The following MYLK variants were observed in gnomAD, a reference collection of about 807,000 sequenced individuals.
MYLK encodes myosin light chain kinase, smooth muscle.
A neutral mutation model predicts 203.4 loss-of-function variants in MYLK; 106 were observed. The observed-to-expected ratio is 0.52, with a 90% CI of 0.45 to 0.61. The LOEUF (loss-of-function observed/expected upper bound fraction) is 0.61. MYLK is among the 20% of genes least tolerant of loss of function. The probability of loss-of-function intolerance (pLI) is 0.00; values close to 1 mark genes in which losing one functional copy is unlikely to be tolerated. For missense variants in MYLK, 2,072 were observed against 2,442.3 expected (o/e 0.85, Z 3.20); for synonymous variants, 867 against 959.5 (o/e 0.90, Z 1.78).
At chr3:123,809,637 T>C (rs1212854147) in intron 3 of MYLK, among the ~76,000 whole-genome samples, 1 of 152,230 alleles carries the variant, frequency 6.6e-6, no homozygotes, top group Non-Finnish European at 1.5e-5. Flanking sequence ...TCGCACACTC[T>C]GCTCTGCAGA....
At chr3:123,649,323 C>G in intron 24 of MYLK, 129 bp from the exon 25 acceptor site, 2 of 1,197,188 alleles carry the variant, frequency 1.7e-6, no homozygotes, top group Non-Finnish European at 2.4e-6. Flanking sequence ...AGGTCCAGAG[C>G]TCTGGGCATC....
At chr3:123,858,080 G>C (rs1163003939) in intron 2 of MYLK, among the ~76,000 whole-genome samples, 1 of 152,214 alleles carries the variant, frequency 6.6e-6, no homozygotes, top group African/African-American at 2.4e-5. Flanking sequence ...TGCCCTAAGG[G>C]TTGGTAGTTT....
chr3:123,732,129 C>T (rs1202729984), intron 11 of MYLK, among the ~76,000 whole-genome samples: 2 of 152,084 alleles, frequency 1.3e-5, no homozygotes, highest in Admixed American at 6.6e-5. Flanking sequence ...AAGGGTATGG[C>T]ATGGGCCTGG....
intron 4 of MYLK, among the ~76,000 whole-genome samples, chr3:123,757,703 T>G (rs1209876261): frequency 1.3e-5 from 2 of 152,122 alleles, no homozygotes; most frequent in Non-Finnish European, 2.9e-5. Flanking sequence ...TACTTGATTG[T>G]TAAGTAACTG....
chr3:123,830,228 G>A (rs1431257102), intron 3 of MYLK, among the ~76,000 whole-genome samples: 1 of 152,122 alleles, frequency 6.6e-6, no homozygotes, highest in Admixed American at 6.5e-5. Context: ...TTTAAAGAAC[G>A]CCTTGCTCAT....
intron 4 of MYLK, among the ~76,000 whole-genome samples, chr3:123,753,254 AT>A (rs1218751398): frequency 6.6e-6 from 1 of 152,198 alleles, no homozygotes; most frequent in Non-Finnish European, 1.5e-5. Flanking sequence ...GAAAAGTAGT[AT>A]TTTTGATATG....
chr3:123,856,454 C>A lies in MYLK; in HGVS notation c.-127+20105G>T, dbSNP rs78899064. ...TGGTTTTGCTTTTGCCAAGTCAACC[C>A]TAACACAGCCAGTTTTCCATTTAAC... is the stretch of plus-strand genomic sequence containing the variant. On this transcript the variant is annotated intron_variant, in intron 2 of 33. Transcript: ENST00000360304. 2.9e-3 allele frequency among the ~76,000 whole-genome samples: 435 copies of A among 152,300 alleles called. 1 individual carries two copies. Among genetic ancestry groups the A allele is most frequent in the African/African-American group, 0.01 (419 of 41,566 alleles).
At chr3:123,664,711 A>T (rs746274938) in intron 22 of MYLK, among the ~76,000 whole-genome samples, 16 of 152,204 alleles carry the variant, frequency 1.1e-4, no homozygotes, top group Non-Finnish European at 2.4e-4. Context: ...AACAACCCAG[A>T]TGTCCATCAA....
intron 26 of MYLK, 111 bp from the exon 27 acceptor site, chr3:123,647,538 A>T: frequency 1.1e-6 from 1 of 910,180 alleles, no homozygotes; most frequent in Admixed American, 1.9e-5. Context: ...TCCTTTTATA[A>T]GTAAGGTGTT....
At chr3:123,718,816 C>T (rs2061993021) in intron 13 of MYLK, among the ~76,000 whole-genome samples, 1 of 152,214 alleles carries the variant, frequency 6.6e-6, no homozygotes, top group African/African-American at 2.4e-5. Flanking sequence ...CTGCTGGCAT[C>T]CTCATCAGAA....
chr3:123,666,008 C>A (rs1221670348), intron 22 of MYLK, among the ~76,000 whole-genome samples: 1 of 152,204 alleles, frequency 6.6e-6, no homozygotes, highest in Non-Finnish European at 1.5e-5. Context: ...AAATTGTCTA[C>A]AAAGGCGGGG....
chr3:123,780,692 A>T (rs754421894), intron 4 of MYLK, among the ~76,000 whole-genome samples: 1 of 152,192 alleles, frequency 6.6e-6, no homozygotes, highest in African/African-American at 2.4e-5. Flanking sequence ...CACGTTTGCA[A>T]ATGACAGCAC....
intron 28 of MYLK, chr3:123,638,686 C>T (rs998676062): frequency 1.7e-5 from 15 of 898,462 alleles, no homozygotes; most frequent in South Asian, 5.1e-5. Flanking sequence ...AAGTGGTGGT[C>T]GGGACTCAAG....
chr3:123,641,926 T>G (rs1405223728), intron 27 of MYLK, among the ~76,000 whole-genome samples: 2 of 151,016 alleles, frequency 1.3e-5, no homozygotes, highest in African/African-American at 4.9e-5. Context: ...GTGATCATAG[T>G]TCAACATAAC....
chr3:123,695,658 C>T (rs2060893299), intron 18 of MYLK, among the ~76,000 whole-genome samples: 1 of 152,124 alleles, frequency 6.6e-6, no homozygotes, highest in Non-Finnish European at 1.5e-5. Flanking sequence ...ATCCATTTTT[C>T]GTAGGATGAA....
rs184718308 is a variant in MYLK, at chr3:123,680,686, G to A, written c.3652+1538C>T. Among the ~76,000 whole-genome samples the A allele has an allele frequency of 8.1e-4, 124 of 152,308 alleles. 2 individuals are homozygous for A. The highest frequency in any genetic ancestry group is 2.8e-3 in the African/African-American group (118 of 41,558). ...ACAGCCTGGCTGGGGTATGTTTGAGGAACCCAAGTTCATCATTAGGAAGGT... is the reference window on the plus strand; with the variant it reads ...ACAGCCTGGCTGGGGTATGTTTGAGAAACCCAAGTTCATCATTAGGAAGGT... On this transcript the variant is annotated intron_variant, in intron 20 of 33. Transcript: ENST00000360304.
intron 27 of MYLK, among the ~76,000 whole-genome samples, chr3:123,643,199 A>C (rs1013863902): frequency 6.6e-6 from 1 of 152,166 alleles, no homozygotes; most frequent in Non-Finnish European, 1.5e-5. Flanking sequence ...TTTGTGTATC[A>C]AGTTGGCTTT....
intron 13 of MYLK, among the ~76,000 whole-genome samples, chr3:123,712,752 T>C (rs1007961507): frequency 3.9e-5 from 6 of 152,240 alleles, no homozygotes; most frequent in South Asian, 2.1e-4. Flanking sequence ...CCCCACTTCC[T>C]CATCGGTCTC....
chr3:123,876,499 T>G (rs1157996332), intron 2 of MYLK, 60 bp downstream of exon 2: 7 of 152,222 alleles, frequency 4.6e-5, no homozygotes, highest in Admixed American at 4.6e-4. Context: ...GATACGAATC[T>G]TAGTGGCTAT....
Sources: gnomAD v4.1 joint callset for allele counts (sites outside exome capture counted in the v4.1 genomes callset) on GRCh38, gnomAD v4.1.1 for gene constraint, MANE v1.5 for transcripts, NCBI Gene and HGNC (gene_info 2026-07-23, HGNC 2026-07-21) for gene names.